The following POLE variants were observed in gnomAD, a reference collection of about 807,000 sequenced individuals.
POLE encodes DNA polymerase epsilon catalytic subunit A.
POLE carries 188 observed loss-of-function variants against 279.2 expected under a neutral mutation model. The observed-to-expected ratio is 0.67, with a 90% CI of 0.60 to 0.76. POLE has a LOEUF of 0.76. Ranked by LOEUF, POLE falls within the 30% of genes least tolerant of loss-of-function variation. The pLI, the probability that POLE is intolerant of heterozygous loss-of-function variation, is 0.00. For missense variants in POLE, 2,703 were observed against 3,016.7 expected (o/e 0.90, Z 2.44); for synonymous variants, 1,214 against 1,172.5 (o/e 1.04, Z -0.72).
chr12:132,665,125 C>T (rs572929913), intron 21 of POLE, among the ~76,000 whole-genome samples, 177 bp downstream of exon 21: 138 of 152,224 alleles, frequency 9.1e-4, no homozygotes, highest in African/African-American at 3.2e-3. Context: ...TCAAAGTCAG[C>T]GTGGCCCCCA....
chr12:132,636,534 T>C (rs562238742), intron 41 of POLE, among the ~76,000 whole-genome samples: 1 of 148,816 alleles, frequency 6.7e-6, no homozygotes, highest in South Asian at 2.1e-4. Context: ...GGCAGGAGGA[T>C]CGCCTGAGTT....
intron 26 of POLE, 58 bp from the exon 27 acceptor site, chr12:132,658,028 T>A (rs1379934258): frequency 2.9e-6 from 3 of 1,030,808 alleles, no homozygotes; most frequent in Non-Finnish European, 4.6e-6. Context: ...CAAAATCTGA[T>A]CCTAACTCTT....
intron 25 of POLE, 110 bp from the exon 26 acceptor site, chr12:132,659,619 G>T: frequency 1.2e-6 from 1 of 831,210 alleles, no homozygotes; most frequent in Non-Finnish European, 1.9e-6. Context: ...AGACGCAGAA[G>T]GCTGCAATTT....
intron 20 of POLE, among the ~76,000 whole-genome samples, chr12:132,665,991 T>TAATTAA (rs1356184347): frequency 6.6e-6 from 1 of 152,220 alleles, no homozygotes; most frequent in Non-Finnish European, 1.5e-5. Flanking sequence ...AGCAGTTGCT[T>TAATTAA]AATTAAAATA....
chr12:132,630,010 G>C (rs973104695), intron 45 of POLE, among the ~76,000 whole-genome samples: 1 of 152,322 alleles, frequency 6.6e-6, no homozygotes, highest in Middle Eastern at 3.4e-3. Flanking sequence ...CAAGGAGAAA[G>C]GGCGAGATGG....
rs2042354173 is a variant in POLE, at chr12:132,649,057, G to A, written c.4021C>T (p.Gln1341Ter). ...GCCCACAGCCTGAACAGGCCGGCCT[G>A]GCTGGTCTCGCTGATCTGAAAGGCC... The part of the protein sequence containing the change: ...WQIVQISETS[Q>*]AGLFRLWALV... The change falls in exon 32 of 49, where the codon CAG (glutamine) becomes TAG (stop). Residue 1341 changes from glutamine (Q) to a stop codon, truncating the protein, a stop_gained. Transcript: ENST00000320574. LOFTEE classifies it high-confidence loss of function. 2 of 1,612,258 alleles carry A rather than the reference G, an allele frequency of 1.2e-6. No homozygotes were observed. Among genetic ancestry groups the A allele is most frequent in the South Asian group, 1.1e-5 (1 of 91,000 alleles).
chr12:132,655,178 A>G (rs1380368569), intron 29 of POLE, among the ~76,000 whole-genome samples: 2 of 152,228 alleles, frequency 1.3e-5, no homozygotes, highest in East Asian at 3.8e-4. Context: ...TTACTAATAC[A>G]TGCATTTAGA....
intron 29 of POLE, among the ~76,000 whole-genome samples, chr12:132,655,090 C>T (rs935427031): frequency 6.6e-6 from 1 of 152,190 alleles, no homozygotes; most frequent in African/African-American, 2.4e-5. Flanking sequence ...CTCTTTATAA[C>T]TTCTGTCTAC....
chr12:132,654,517 T>G (rs184976205), intron 29 of POLE, among the ~76,000 whole-genome samples: 56 of 152,322 alleles, frequency 3.7e-4, no homozygotes, highest in Non-Finnish European at 6.6e-4. Context: ...ATCCTTCCAT[T>G]TTTTTAGGCT....
chr12:132,646,967 G>C (rs1044485547), intron 32 of POLE, among the ~76,000 whole-genome samples: 12 of 152,104 alleles, frequency 7.9e-5, no homozygotes, highest in African/African-American at 2.9e-4. Context: ...CCAAATTGCT[G>C]GGATTACAGA....
intron 1 of POLE, among the ~76,000 whole-genome samples, chr12:132,683,749 T>C (rs2043214917): frequency 6.6e-6 from 1 of 152,206 alleles, no homozygotes; most frequent in Admixed American, 6.5e-5. Flanking sequence ...CAAATATCCT[T>C]GCCTCAAGTA....
intron 39 of POLE, among the ~76,000 whole-genome samples, chr12:132,640,571 C>T (rs1225513310): frequency 6.6e-5 from 10 of 152,254 alleles, no homozygotes. Context: ...CTTCACTTCC[C>T]ATGGGGCAGA....
rs776718662 is a variant in POLE at position 132,634,398 on chromosome 12, G to A, written c.5812-20C>T. 14 of 1,607,456 alleles carry A rather than the reference G, an allele frequency of 8.7e-6. No individual in the cohort carries two copies. The highest frequency in any genetic ancestry group is 1.3e-5 in the African/African-American group (1 of 74,790). ...GTCTTGCTGTAACACATGAGACAACGCGGCTGTGTTTGCACCATCGCGGCC... is the reference window on the plus strand; with the variant it reads ...GTCTTGCTGTAACACATGAGACAACACGGCTGTGTTTGCACCATCGCGGCC... On this transcript the variant is annotated intron_variant, in intron 42 of 48. Transcript: ENST00000320574. This position sits in a 1 kb window ranked among gnomAD's most constrained non-coding sequence, Gnocchi z 4.0.
chr12:132,635,501 G>C (rs868688182), intron 42 of POLE, among the ~76,000 whole-genome samples: 4 of 152,234 alleles, frequency 2.6e-5, no homozygotes, highest in South Asian at 2.1e-4. Context: ...CCATGCCCAA[G>C]TTGCCTGGCT....
intron 5 of POLE, 99 bp from the exon 6 acceptor site, chr12:132,679,750 G>A: frequency 7.1e-7 from 1 of 1,407,040 alleles, no homozygotes; most frequent in Non-Finnish European, 9.8e-7. Context: ...TCAAAGAGTT[G>A]GCGACTTCAA....
At chr12:132,641,201 G>C in intron 39 of POLE, 2 of 390,372 alleles carry the variant, frequency 5.1e-6, no homozygotes, top group Non-Finnish European at 1.0e-5. Flanking sequence ...ACCGCTGGTG[G>C]GTAATGCGAG....
chr12:132,632,549 T>A (rs745608407), intron 44 of POLE, 41 bp from the exon 45 acceptor site: 14 of 1,608,056 alleles, frequency 8.7e-6, no homozygotes, highest in Non-Finnish European at 1.2e-5. Context: ...CTGGGACCTG[T>A]CTGGCACTGG....
rs1331527333 is a variant in POLE, at chr12:132,634,809, G to A, written c.5812-431C>T. 6.6e-6 allele frequency among the ~76,000 whole-genome samples: 1 copy of A among 152,118 alleles called. No individual in the cohort carries two copies. The highest frequency in any genetic ancestry group is 2.4e-5 in the African/African-American group (1 of 41,418). On this transcript the variant is annotated intron_variant, in intron 42 of 48. Transcript: ENST00000320574. The surrounding 1 kb of genome is among the most constrained non-coding windows in gnomAD (Gnocchi z 4.0). ...CCACGGCACCATCCACGTCTGTGTA[G>A]ACACCGACACCCACTGCCACCTGCC...
At position 132,626,354 on chromosome 12, in the gene POLE, C is replaced by T. The variant is rs539858706; in HGVS notation, c.6331-37G>A. The T allele has an allele frequency of 2.1e-5, 33 of 1,597,976 alleles. No homozygotes were observed. Among genetic ancestry groups the T allele is most frequent in the Admixed American group, 8.3e-5 (5 of 59,948 alleles). On this transcript the variant is annotated intron_variant, in intron 45 of 48. Transcript: ENST00000320574. ...ACAGCCCACATCGGGAAGGAGCTCC[C>T]GGGGCCTCCCTGCTGCTCTGTCTGG...
Sources: allele counts gnomAD v4.1 joint callset (sites outside exome capture counted in the v4.1 genomes callset), GRCh38; gene constraint gnomAD v4.1.1; non-coding constraint Gnocchi (gnomAD v3.1); transcripts MANE v1.5; gene names NCBI Gene and HGNC (gene_info 2026-07-23, HGNC 2026-07-21).